The following GALNT2 variants were observed in gnomAD, a reference collection of about 807,000 sequenced individuals.
GALNT2 encodes polypeptide N-acetylgalactosaminyltransferase 2.
In GALNT2, 31 loss-of-function variants were observed where a neutral mutation model predicts 81.4. The observed-to-expected ratio is 0.38, with a 90% CI of 0.29 to 0.51. The LOEUF (loss-of-function observed/expected upper bound fraction) is 0.51. GALNT2 is among the 20% of genes least tolerant of loss of function. The pLI, the probability that GALNT2 is intolerant of heterozygous loss-of-function variation, is 0.87. For synonymous variants in GALNT2, 303 were observed against 287.4 expected (o/e 1.05, Z -0.55); for missense variants, 629 against 765.7 (o/e 0.82, Z 2.11).
At chr1:230,081,419 T>C (rs1348121486) in intron 1 of GALNT2, among the ~76,000 whole-genome samples, 1 of 152,210 alleles carries the variant, frequency 6.6e-6, no homozygotes, top group Non-Finnish European at 1.5e-5. Context: ...TGCGTGCTGT[T>C]TAATTTTTTA....
At chr1:230,068,803 A>C (rs1659285997) in intron 1 of GALNT2, among the ~76,000 whole-genome samples, 1 of 152,166 alleles carries the variant, frequency 6.6e-6, no homozygotes, top group Non-Finnish European at 1.5e-5. Flanking sequence ...CTAGCTTCTG[A>C]GCTGACATTG....
intron 2 of GALNT2, among the ~76,000 whole-genome samples, chr1:230,180,897 C>T (rs1002017397): frequency 1.3e-5 from 2 of 152,148 alleles, no homozygotes; most frequent in Non-Finnish European, 2.9e-5. Flanking sequence ...TTTCACTTCA[C>T]ATTCCACTCC....
chr1:230,249,315 C>A (rs1431465858), intron 9 of GALNT2, 44 bp downstream of exon 9: 1 of 1,567,934 alleles, frequency 6.4e-7, no homozygotes, highest in Non-Finnish European at 8.8e-7. Context: ...AGATGAGACC[C>A]CAGGTTCCAG....
intron 1 of GALNT2, among the ~76,000 whole-genome samples, chr1:230,092,218 G>C (rs955047937): frequency 2.4e-5 from 1 of 42,298 alleles, no homozygotes; most frequent in South Asian, 6.5e-4. Flanking sequence ...TCTGATTTTC[G>C]TTAGGCTCGT....
chr1:230,102,868 A>G (rs1005456254), intron 1 of GALNT2, among the ~76,000 whole-genome samples: 4 of 152,156 alleles, frequency 2.6e-5, no homozygotes, highest in African/African-American at 9.7e-5. Context: ...TTTTCTTTGC[A>G]GGGGCAGTGG....
At chr1:230,090,593 C>T (rs922551099) in intron 1 of GALNT2, among the ~76,000 whole-genome samples, 1 of 152,136 alleles carries the variant, frequency 6.6e-6, no homozygotes, top group African/African-American at 2.4e-5. Flanking sequence ...AGTTCCTGGA[C>T]TCGAATTTTC....
Position 230,098,337 on chromosome 1 carries a change from C to A in GALNT2, c.126+30931C>A, listed in dbSNP as rs7530960. On this transcript the variant is annotated intron_variant, in intron 1 of 15. Coordinates refer to ENST00000366672, the MANE Select transcript of GALNT2 (RefSeq NM_004481.5). ...GAGCTCTATACTGTGGGATAGCATT[C>A]TTTTTAGAATGCATGCATGTGAATT... Among the ~76,000 whole-genome samples, 21 of 151,664 alleles carry A rather than the reference C, an allele frequency of 1.4e-4. No individual in the cohort carries two copies. The South Asian group carries it at 2.1e-3, about 15-fold the overall frequency.
intron 4 of GALNT2, 70 bp downstream of exon 4, chr1:230,236,182 C>A: frequency 1.3e-6 from 2 of 1,499,314 alleles, no homozygotes; most frequent in East Asian, 2.3e-5. Context: ...ACAGTCAGAC[C>A]AGGGCTGTCA....
At chr1:230,167,446 A>G (rs568763113) in intron 1 of GALNT2, among the ~76,000 whole-genome samples, 1 of 152,212 alleles carries the variant, frequency 6.6e-6, no homozygotes, top group Non-Finnish European at 1.5e-5. Flanking sequence ...CACTCCCAGC[A>G]TGGAGCCAGT....
intron 1 of GALNT2, among the ~76,000 whole-genome samples, chr1:230,097,010 G>A (rs1203906882): frequency 6.6e-6 from 1 of 152,132 alleles, no homozygotes; most frequent in Non-Finnish European, 1.5e-5. Flanking sequence ...CTAAGTTACT[G>A]TCCAAAGCTA....
At chr1:230,161,522 A>G (rs1423358012) in intron 1 of GALNT2, among the ~76,000 whole-genome samples, 1 of 152,182 alleles carries the variant, frequency 6.6e-6, no homozygotes, top group Non-Finnish European at 1.5e-5. Flanking sequence ...CCCAAAATCC[A>G]TTCTTTTCAT....
At chr1:230,137,728 G>T (rs532232880) in intron 1 of GALNT2, among the ~76,000 whole-genome samples, 1 of 152,258 alleles carries the variant, frequency 6.6e-6, no homozygotes, top group East Asian at 1.9e-4. Flanking sequence ...ATTGCAACCT[G>T]GTTTAGCTAC....
At chr1:230,171,961 G>C (rs1662808532) in intron 1 of GALNT2, among the ~76,000 whole-genome samples, 1 of 151,914 alleles carries the variant, frequency 6.6e-6, no homozygotes, top group African/African-American at 2.4e-5. Flanking sequence ...GGGTGCAGCA[G>C]TCTCTGCCAC....
At chr1:230,177,589 A>C (rs777074399) in intron 1 of GALNT2, among the ~76,000 whole-genome samples, 1 of 152,256 alleles carries the variant, frequency 6.6e-6, no homozygotes, top group Non-Finnish European at 1.5e-5. Context: ...GATGAGTTGA[A>C]TAAATTCTGC....
intron 1 of GALNT2, among the ~76,000 whole-genome samples, chr1:230,118,792 C>T (rs1660928074): frequency 6.6e-6 from 1 of 151,676 alleles, no homozygotes; most frequent in Non-Finnish European, 1.5e-5. Context: ...TCTGTGACGC[C>T]CTTCCTCTCA....
intron 1 of GALNT2, among the ~76,000 whole-genome samples, chr1:230,106,531 G>A (rs1660550240): frequency 6.6e-6 from 1 of 152,282 alleles, no homozygotes; most frequent in African/African-American, 2.4e-5. Context: ...AGGCAGTGGA[G>A]ACTGTTCATT....
intron 1 of GALNT2, among the ~76,000 whole-genome samples, chr1:230,173,498 A>T (rs1410422169): frequency 6.6e-6 from 1 of 152,230 alleles, no homozygotes; most frequent in Non-Finnish European, 1.5e-5. Context: ...GAAACAAAGC[A>T]GAGATGGGTC....
intron 2 of GALNT2, among the ~76,000 whole-genome samples, chr1:230,200,251 A>G (rs1663848017): frequency 1.3e-5 from 2 of 151,924 alleles, no homozygotes; most frequent in South Asian, 4.2e-4. Flanking sequence ...TTTAGTAGAG[A>G]TGGGGTTTCA....
At chr1:230,073,610 C>T (rs1036101514) in intron 1 of GALNT2, among the ~76,000 whole-genome samples, 1 of 152,198 alleles carries the variant, frequency 6.6e-6, no homozygotes, top group East Asian at 1.9e-4. Flanking sequence ...TTCATCAGGG[C>T]CGGATTTGGA....
Sources: allele counts gnomAD v4.1 joint callset (sites outside exome capture counted in the v4.1 genomes callset), GRCh38; gene constraint gnomAD v4.1.1; transcripts MANE v1.5; gene names NCBI Gene and HGNC (gene_info 2026-07-23, HGNC 2026-07-21).